The following FXN variants were observed in gnomAD, a reference collection of about 807,000 sequenced individuals.
FXN encodes frataxin, also known as frataxin, mitochondrial.
Under a neutral mutation model 22.4 loss-of-function variants are expected in FXN, and 14 were observed. The observed-to-expected ratio is 0.62, with a 90% CI of 0.41 to 0.98. FXN has a LOEUF of 0.98. Ranked by LOEUF, FXN falls within the 50% of genes least tolerant of loss-of-function variation. FXN has a pLI of 0.00. For missense variants in FXN, 267 were observed against 268.4 expected (o/e 0.99, Z 0.04); for synonymous variants, 120 against 114.1 (o/e 1.05, Z -0.33).
intron 3 of FXN, among the ~76,000 whole-genome samples, chr9:69,063,767 T>C (rs1271769700): frequency 2.0e-5 from 3 of 152,204 alleles, no homozygotes; most frequent in Admixed American, 2.0e-4. Context: ...CACTGCAGCC[T>C]CAACCTCCTG....
Position 69,073,042 on chromosome 9 carries a change from T to C in FXN, c.*280T>C. 1 of 1,292,496 alleles carries C rather than the reference T, an allele frequency of 7.7e-7. No homozygotes were observed. The highest frequency in any genetic ancestry group is 9.8e-7 in the Non-Finnish European group (1 of 1,018,720). 80.1% of individuals were successfully genotyped at this position (1,292,496 alleles called of 1,614,324 possible). A position where few individuals can be genotyped will look rare whatever the true frequency, so the allele number is the denominator to read the frequency against. On this transcript the variant is annotated 3_prime_UTR_variant, in exon 5 of 5. Coordinates refer to ENST00000484259, the MANE Select transcript of FXN (RefSeq NM_000144.5). ...TTTTATAATGTCTTATGCCTATACC[T>C]GAATATAACAACCTTTAAAAAAGCA... is the stretch of plus-strand genomic sequence containing the variant.
chr9:69,052,056 C>T (rs1159103301), intron 2 of FXN, among the ~76,000 whole-genome samples: 1 of 152,092 alleles, frequency 6.6e-6, no homozygotes, highest in Non-Finnish European at 1.5e-5. Flanking sequence ...CCATGTCAGC[C>T]AGGCTGGTCT....
chr9:69,056,361 A>G (rs947202330), intron 3 of FXN, among the ~76,000 whole-genome samples: 2 of 152,228 alleles, frequency 1.3e-5, no homozygotes, highest in African/African-American at 4.8e-5. Context: ...GGGAGGATCT[A>G]TGAATATTCA....
chr9:69,039,531 G>C (rs974185555), intron 1 of FXN, among the ~76,000 whole-genome samples: 2 of 152,148 alleles, frequency 1.3e-5, no homozygotes, highest in Non-Finnish European at 2.9e-5. Flanking sequence ...CTACCTGGAG[G>C]CTGGGAAGGA....
intron 2 of FXN, among the ~76,000 whole-genome samples, chr9:69,051,415 TTTTC>T (rs1452200881): frequency 6.6e-6 from 1 of 151,562 alleles, no homozygotes; most frequent in African/African-American, 2.4e-5. Context: ...TGTCTCTTTC[TTTTC>T]TTTTTTTTTT....
At chr9:69,037,474 T>C (rs1330497821) in intron 1 of FXN, among the ~76,000 whole-genome samples, 1 of 135,586 alleles carries the variant, frequency 7.4e-6, no homozygotes, top group African/African-American at 2.5e-5. Context: ...CAAAAAATAA[T>C]AATAATAAAT....
chr9:69,066,001 A>G (rs1056762465), intron 4 of FXN, among the ~76,000 whole-genome samples: 1 of 152,166 alleles, frequency 6.6e-6, no homozygotes, highest in Non-Finnish European at 1.5e-5. Flanking sequence ...TGTGCTTTCA[A>G]TCTAGAGGAA....
chr9:69,048,121 C>T (rs1164232098), intron 2 of FXN, among the ~76,000 whole-genome samples: 2 of 152,164 alleles, frequency 1.3e-5, no homozygotes, highest in Non-Finnish European at 2.9e-5. Flanking sequence ...AAATTTCCTC[C>T]GTGGATGGGA....
intron 1 of FXN, among the ~76,000 whole-genome samples, chr9:69,039,458 A>G (rs1251968578): frequency 6.6e-6 from 1 of 152,178 alleles, no homozygotes; most frequent in Non-Finnish European, 1.5e-5. Flanking sequence ...ACTCAGCAGA[A>G]CCAAGAATCC....
At chr9:69,061,277 T>C (rs1033244620) in intron 3 of FXN, among the ~76,000 whole-genome samples, 4 of 152,228 alleles carry the variant, frequency 2.6e-5, no homozygotes, top group Non-Finnish European at 5.9e-5. Flanking sequence ...TGCGGAGACC[T>C]TGAGCACGCA....
chr9:69,048,863 C>G lies in FXN; in HGVS notation c.263+2381C>G, dbSNP rs1831804276. Among the ~76,000 whole-genome samples, 3 of 152,226 alleles carry G rather than the reference C, an allele frequency of 2.0e-5. No homozygotes were observed. The South Asian group carries it at 6.2e-4, about 32-fold the overall frequency. ...GAGGGCTTTGCATGGCTCACAAGGTCTGAAGAACCTCTGAGCCTCCCGCCT... is the reference window on the plus strand; with the variant it reads ...GAGGGCTTTGCATGGCTCACAAGGTGTGAAGAACCTCTGAGCCTCCCGCCT... On this transcript the variant is annotated intron_variant, in intron 2 of 4. Transcript: ENST00000484259.
At chr9:69,043,028 A>T (rs1335642902) in intron 1 of FXN, among the ~76,000 whole-genome samples, 1 of 152,168 alleles carries the variant, frequency 6.6e-6, no homozygotes, top group Non-Finnish European at 1.5e-5. Context: ...AAGAGTCTGT[A>T]CTTGTTAATT....
intron 1 of FXN, among the ~76,000 whole-genome samples, chr9:69,043,197 T>C (rs769111363): frequency 6.6e-6 from 1 of 152,222 alleles, no homozygotes; most frequent in Non-Finnish European, 1.5e-5. Context: ...TTATTTCAGC[T>C]GTCATAGTGT....
chr9:69,074,828 G>A lies in FXN; in HGVS notation c.*2066G>A. The A allele has an allele frequency of 1.0e-6, 1 of 972,430 alleles. No homozygotes were observed. The highest frequency in any genetic ancestry group is 1.2e-6 in the Non-Finnish European group (1 of 818,070). 60.2% of individuals were successfully genotyped at this position (972,430 alleles called of 1,614,324 possible). A position where few individuals can be genotyped will look rare whatever the true frequency, so the allele number is the denominator to read the frequency against. On this transcript the variant is annotated 3_prime_UTR_variant, in exon 5 of 5. Coordinates refer to ENST00000484259, the MANE Select transcript of FXN (RefSeq NM_000144.5). ...TTTCTGAAATAAAATTATTTTTTGA[G>A]TCTGATGGAAATGTTTAAGTGCAGT...
At chr9:69,059,494 G>T (rs1444586595) in intron 3 of FXN, among the ~76,000 whole-genome samples, 1 of 137,978 alleles carries the variant, frequency 7.2e-6, no homozygotes, top group African/African-American at 2.6e-5. Context: ...CCACCTCCTG[G>T]GCTCAAGGGA....
rs1347991844 is a variant in FXN at position 69,075,056 on chromosome 9, T to C, written c.*2294T>C. The stretch of plus-strand genomic sequence containing the variant: ...GGAAGTTAAGGAATCTGGGCTCTTA[T>C]GGGGTCCTTGTGGGCCAGCCCTTCA... On this transcript the variant is annotated 3_prime_UTR_variant, in exon 5 of 5. Coordinates refer to ENST00000484259, the MANE Select transcript of FXN (RefSeq NM_000144.5). The C allele has an allele frequency of 7.1e-6, 7 of 985,336 alleles. No homozygotes were observed. Among genetic ancestry groups the C allele is most frequent in the Admixed American group, 6.1e-5 (1 of 16,270 alleles). 61.0% of individuals were successfully genotyped at this position (985,336 alleles called of 1,614,324 possible). A position where few individuals can be genotyped will look rare whatever the true frequency, so the allele number is the denominator to read the frequency against.
At position 69,074,717 on chromosome 9, in the gene FXN, C is replaced by T. The variant is rs1984002; in HGVS notation, c.*1955C>T. 0.47 allele frequency: 429,806 copies of T among 919,026 alleles called. 101,732 individuals carry two copies. The highest frequency in any genetic ancestry group is 0.65 in the East Asian group (5,442 of 8,402). 56.9% of individuals were successfully genotyped at this position (919,026 alleles called of 1,614,324 possible). The stretch of plus-strand genomic sequence containing the variant: ...GAATTGGAGATCAGCCTGGGCAACA[C>T]AGCAAGATCCTATCTCTTAAAAAAA... On this transcript the variant is annotated 3_prime_UTR_variant, in exon 5 of 5. Transcript: ENST00000484259.
At chr9:69,040,450 C>T (rs994472615) in intron 1 of FXN, among the ~76,000 whole-genome samples, 6 of 152,144 alleles carry the variant, frequency 3.9e-5, no homozygotes, top group Admixed American at 6.5e-5. Flanking sequence ...AGGTGGATCA[C>T]GAGTTCAGGA....
At chr9:69,066,937 G>A (rs1587829027) in intron 4 of FXN, among the ~76,000 whole-genome samples, 1 of 152,232 alleles carries the variant, frequency 6.6e-6, no homozygotes, top group East Asian at 1.9e-4. Flanking sequence ...GCCTTGGCCA[G>A]AGCAGGCCAC....
Sources: allele counts gnomAD v4.1 joint callset (sites outside exome capture counted in the v4.1 genomes callset), GRCh38; gene constraint gnomAD v4.1.1; transcripts MANE v1.5; gene names NCBI Gene and HGNC (gene_info 2026-07-23, HGNC 2026-07-21).